IARS1: variants seen among roughly 807,000 people sequenced by gnomAD.
IARS1 encodes isoleucine--tRNA ligase, cytoplasmic.
A neutral mutation model predicts 168.2 loss-of-function variants in IARS1; 124 were observed. The observed-to-expected ratio is 0.74, with a 90% CI of 0.64 to 0.86. IARS1 has a LOEUF of 0.86. Among genes scored for constraint, IARS1 ranks in the 40% least tolerant of loss-of-function variants. The pLI, the probability that IARS1 is intolerant of heterozygous loss-of-function variation, is 0.00. For missense variants in IARS1, 1,452 were observed against 1,515.8 expected, an observed-to-expected ratio of 0.96 and a Z score of 0.70; for synonymous variants, 532 against 529.4, an observed-to-expected ratio of 1.00 and a Z score of -0.07.
chr9:92,287,942 T>C (rs1835710579), intron 3 of IARS1, 32 bp from the exon 4 acceptor site: 1 of 1,610,288 alleles, frequency 6.2e-7, no homozygotes, highest in African/African-American at 1.3e-5. Context: ...GTTACCACGC[T>C]GCCCTATGAA....
At position 92,268,254 on chromosome 9, in the gene IARS1, C is replaced by A. The variant is rs781661072; in HGVS notation, c.1351G>T (p.Asp451Tyr). Residue 451 changes from aspartate (D) to tyrosine (Y), a missense_variant, in exon 14 of 34, where the codon GAT (aspartate) becomes TAT (tyrosine). Physicochemically the swap from Asp to Tyr is radical, Grantham distance 160. Transcript: ENST00000443024. ...REKRFGNWLKDARDWTISRNR... is the reference protein window; with the variant it reads ...REKRFGNWLKYARDWTISRNR... ...CTGGAAATTGTCCAGTCACGTGCAT[C>A]TTTCAGCCAATTTCCAAATCGTTTT... 4.3e-6 allele frequency: 7 copies of A among 1,612,190 alleles called. No homozygotes were observed. In the South Asian group the frequency reaches 7.7e-5, roughly 18 times the overall value.
At chr9:92,233,649 T>C (rs1443224637) in intron 30 of IARS1, among the ~76,000 whole-genome samples, 1 of 152,242 alleles carries the variant, frequency 6.6e-6, no homozygotes, top group African/African-American at 2.4e-5. Flanking sequence ...TTTTACTATA[T>C]TGAATCTTCT....
Position 92,265,345 on chromosome 9 carries a change from G to A in IARS1, c.1505+135C>T, listed in dbSNP as rs937481414. ...TCACAAGGACAGAGGCCACAATACT[G>A]CAATATGACATGAGTCATCAGCAAA... On this transcript the variant is annotated intron_variant, in intron 15 of 33. Coordinates refer to ENST00000443024, the MANE Select transcript of IARS1 (RefSeq NM_002161.6). 31 of 870,590 alleles carry A rather than the reference G, an allele frequency of 3.6e-5. No homozygotes were observed. The East Asian group carries it at 4.8e-4, about 13-fold the overall frequency. The allele number at this position is 870,590 out of a possible 1,614,324, so 53.9% of individuals were successfully genotyped here.
intron 9 of IARS1, 26 bp from the exon 10 acceptor site, chr9:92,274,547 A>G: frequency 6.5e-7 from 1 of 1,533,578 alleles, no homozygotes; most frequent in South Asian, 1.1e-5. Flanking sequence ...AGCAGGCTTC[A>G]GGGATGAAAC....
chr9:92,232,848 TG>T (rs1196935112), intron 30 of IARS1, among the ~76,000 whole-genome samples: 1 of 152,188 alleles, frequency 6.6e-6, no homozygotes, highest in Non-Finnish European at 1.5e-5. Context: ...TTTATAACTT[TG>T]TGACTTTCTA....
intron 31 of IARS1, among the ~76,000 whole-genome samples, chr9:92,227,940 C>T (rs1043533281): frequency 2.4e-4 from 36 of 152,312 alleles, no homozygotes; most frequent in African/African-American, 7.9e-4. Flanking sequence ...GGGTGGCGGC[C>T]GGGCAGAGGC....
chr9:92,251,267 T>C (rs899209391), intron 22 of IARS1: 3 of 429,898 alleles, frequency 7.0e-6, no homozygotes, highest in Admixed American at 5.2e-5. Context: ...GGTTAAGGAA[T>C]AAATAGGAGC....
At chr9:92,292,056 A>C (rs935844090) in intron 1 of IARS1, among the ~76,000 whole-genome samples, 51 of 142,844 alleles carry the variant, frequency 3.6e-4, no homozygotes, top group African/African-American at 1.2e-3. Flanking sequence ...TCACTCTGTC[A>C]CCTAGGCTGG....
intron 17 of IARS1, among the ~76,000 whole-genome samples, chr9:92,262,644 GACA>G (rs1831688862): frequency 6.6e-6 from 1 of 152,074 alleles, no homozygotes; most frequent in African/African-American, 2.4e-5. Context: ...TTAAAAAAAG[GACA>G]ACAAAATCTA....
At chr9:92,253,696 A>G (rs916498289) in intron 20 of IARS1, 4 of 533,628 alleles carry the variant, frequency 7.5e-6, no homozygotes, top group African/African-American at 3.8e-5. Context: ...GCGAATTCCC[A>G]TTGGTCAGTG....
chr9:92,250,709 C>T lies in IARS1; in HGVS notation c.2429+4G>A. 1.9e-6 allele frequency: 3 copies of T among 1,598,850 alleles called. No homozygotes were observed. Among genetic ancestry groups the T allele is most frequent in the Non-Finnish European group, 2.6e-6 (3 of 1,172,826 alleles). ...GGTGAGGCTTATTTCTATTTGAGTC[C>T]TACCGAACACGGGGCAGCATGAGGT... On this transcript the variant is annotated splice_donor_region_variant and intron_variant, in intron 23 of 33. Transcript: ENST00000443024.
chr9:92,243,865 A>G (rs1828806672), intron 27 of IARS1, among the ~76,000 whole-genome samples: 1 of 152,204 alleles, frequency 6.6e-6, no homozygotes, highest in South Asian at 2.1e-4. Flanking sequence ...TAATGTTTCT[A>G]TCTCATCTAT....
chr9:92,239,592 G>A (rs1828060084), intron 30 of IARS1, among the ~76,000 whole-genome samples: 2 of 152,204 alleles, frequency 1.3e-5, no homozygotes. Flanking sequence ...CTCGTGGTGT[G>A]TGGCCTCACT....
At chr9:92,275,806 G>T (rs1833700406) in intron 9 of IARS1, among the ~76,000 whole-genome samples, 1 of 152,230 alleles carries the variant, frequency 6.6e-6, no homozygotes, top group Admixed American at 6.5e-5. Flanking sequence ...GTATATTTCA[G>T]TGAACATCAG....
chr9:92,229,191 G>A, intron 30 of IARS1, 65 bp from the exon 31 acceptor site: 2 of 1,548,504 alleles, frequency 1.3e-6, no homozygotes, highest in Non-Finnish European at 1.8e-6. Flanking sequence ...TGTTACATTT[G>A]GAGGAAAAGG....
At chr9:92,218,137 T>C (rs1251235378) in intron 33 of IARS1, among the ~76,000 whole-genome samples, 1 of 151,914 alleles carries the variant, frequency 6.6e-6, no homozygotes, top group African/African-American at 2.4e-5. Context: ...AATCAGTAAA[T>C]GTAATCCAGC....
chr9:92,250,085 A>G, intron 24 of IARS1, 102 bp downstream of exon 24: 1 of 892,726 alleles, frequency 1.1e-6, no homozygotes, highest in Non-Finnish European at 1.9e-6. Context: ...ACTGCAGAAA[A>G]GGAAAAAGGC....
intron 20 of IARS1, among the ~76,000 whole-genome samples, chr9:92,253,667 AT>A (rs1481315935): frequency 6.6e-6 from 1 of 152,216 alleles, no homozygotes; most frequent in Non-Finnish European, 1.5e-5. Context: ...ACACAAAAAA[AT>A]CACCATGTGA....
intron 7 of IARS1, among the ~76,000 whole-genome samples, chr9:92,280,522 A>C (rs564611225): frequency 6.6e-6 from 1 of 152,236 alleles, no homozygotes; most frequent in Non-Finnish European, 1.5e-5. Flanking sequence ...GGAAATTATA[A>C]GAAAATTTTA....
Sources: allele counts gnomAD v4.1 joint callset (sites outside exome capture counted in the v4.1 genomes callset), GRCh38; gene constraint gnomAD v4.1.1; transcripts MANE v1.5; gene names NCBI Gene and HGNC (gene_info 2026-07-23, HGNC 2026-07-21).